The following SMC1A variants were observed in gnomAD, a reference collection of about 807,000 sequenced individuals.
The protein encoded by SMC1A is structural maintenance of chromosomes 1A.
A neutral mutation model predicts 94.5 loss-of-function variants in SMC1A; 4 were observed. The ratio of observed to expected loss-of-function variants is 0.04; its 90% CI spans 0.02 to 0.10. The LOEUF is 0.10. Ranked by LOEUF, SMC1A falls within the 10% of genes least tolerant of loss-of-function variation. The pLI, the probability that SMC1A is intolerant of heterozygous loss-of-function variation, is 1.00. For missense variants in SMC1A, 304 were observed against 989.0 expected, an observed-to-expected ratio of 0.31 and a Z score of 9.29; for synonymous variants, 345 against 347.7, an observed-to-expected ratio of 0.99 and a Z score of 0.09.
rs2075651961 is a variant in SMC1A, at chrX:53,396,540, C to T, written c.2640G>A (p.Lys880=). The T allele has an allele frequency of 1.7e-6, 2 of 1,208,854 alleles. No individual in the cohort carries two copies. Among genetic ancestry groups the T allele is most frequent in the Admixed American group, 4.4e-5 (2 of 45,591 alleles). The change falls in exon 17 of 25, where the codon AAG becomes AAA. Residue 880 remains lysine (K), a synonymous_variant. Coordinates refer to ENST00000322213, the MANE Select transcript of SMC1A (RefSeq NM_006306.4). ...LQDLKNQHLA[K]KSEVNDKNHE... is the part of the protein sequence containing the mutation. ...GATTCTTGTCATTCACTTCCGACTTCTTGGCCAGATGCTGATTCTTCAGGT... is the reference window on the plus strand; with the variant it reads ...GATTCTTGTCATTCACTTCCGACTTTTTGGCCAGATGCTGATTCTTCAGGT...
Position 53,399,575 on chromosome X carries a change from C to A in SMC1A, c.2562+14G>T. On this transcript the variant is annotated intron_variant, in intron 16 of 24. Coordinates refer to ENST00000322213, the MANE Select transcript of SMC1A (RefSeq NM_006306.4). ...CCAGTTATTAGTCTGTCTTTTAATTCTTTCCTTCCTTACCTTTTTGAGCTT... is the reference window on the plus strand; with the variant it reads ...CCAGTTATTAGTCTGTCTTTTAATTATTTCCTTCCTTACCTTTTTGAGCTT... 8.3e-7 allele frequency: 1 copy of A among 1,199,819 alleles called. No homozygotes were observed. The highest frequency in any genetic ancestry group is 1.1e-6 in the Non-Finnish European group (1 of 886,131).
At chrX:53,394,321 A>G (rs1556887666) in intron 19 of SMC1A, among the ~76,000 whole-genome samples, 2 of 110,053 alleles carry the variant, frequency 1.8e-5, no homozygotes, top group Admixed American at 2.0e-4. Flanking sequence ...ATGGGGAGGA[A>G]GGCTAGGGCT....
chrX:53,399,542 T>G (rs782113588), intron 16 of SMC1A, 47 bp downstream of exon 16: 9 of 1,145,396 alleles, frequency 7.9e-6, no homozygotes, highest in Middle Eastern at 2.8e-4. Flanking sequence ...TTCTTCCCAT[T>G]TTTCCTCCCA....
At chrX:53,385,377 T>C (rs1339435428) in intron 19 of SMC1A, among the ~76,000 whole-genome samples, 3 of 106,242 alleles carry the variant, frequency 2.8e-5, no homozygotes, top group Non-Finnish European at 5.8e-5. Flanking sequence ...TTCACGCCAT[T>C]CTCCTGCCTC....
In SMC1A at chrX:53,411,318, G is replaced by A. The variant is rs782040567; in HGVS notation, c.1254+443C>T. On this transcript the variant is annotated intron_variant, in intron 7 of 24. Transcript: ENST00000322213. ...ATCATTAAGATTATCATGGCCAGGC[G>A]CAGTGGCTCAAGCCTGTAATCCCAG... is the stretch of plus-strand genomic sequence containing the variant. Among the ~76,000 whole-genome samples the A allele has an allele frequency of 3.6e-5, 4 of 111,444 alleles. No individual in the cohort carries two copies. The East Asian group carries it at 1.1e-3, about 31-fold the overall frequency.
At position 53,378,387 on chromosome X, in the gene SMC1A, T is replaced by C. The variant is rs938950455; in HGVS notation, c.*1716A>G. The C allele has an allele frequency of 4.4e-5, 5 of 112,671 alleles. No individual in the cohort carries two copies. Among genetic ancestry groups the C allele is most frequent in the Admixed American group, 3.8e-4 (4 of 10,623 alleles). 9.3% of individuals were successfully genotyped at this position (112,671 alleles called of 1,213,427 possible). On this transcript the variant is annotated 3_prime_UTR_variant, in exon 25 of 25. Coordinates refer to ENST00000322213, the MANE Select transcript of SMC1A (RefSeq NM_006306.4). ...CAATCTATACAGCAATTACAGAAGA[T>C]GGATTGAGCTACATTAAGTAACATG...
upstream of SMC1A, chrX:53,422,712 A>G (rs1602419068): frequency 2.2e-5 from 12 of 544,760 alleles, no homozygotes; most frequent in East Asian, 4.1e-4. Context: ...AAATGTCGCG[A>G]GAATACGTCC....
rs1051598666 is a variant in SMC1A, at chrX:53,393,879, G to A, written c.2973+899C>T. Among the ~76,000 whole-genome samples the A allele has an allele frequency of 5.4e-5, 6 of 110,827 alleles. No individual in the cohort carries two copies. The South Asian group carries it at 1.1e-3, about 21-fold the overall frequency. On this transcript the variant is annotated intron_variant, in intron 19 of 24. Coordinates refer to ENST00000322213, the MANE Select transcript of SMC1A (RefSeq NM_006306.4). ...CAGAATTCAATAGATATTTAGGGCC[G>A]GGCACAGTGGCTCACACCTGTAATC...
chrX:53,408,332 AAATC>A (rs782118621), intron 9 of SMC1A, among the ~76,000 whole-genome samples: 13 of 111,286 alleles, frequency 1.2e-4, no homozygotes, highest in Middle Eastern at 4.6e-3. Flanking sequence ...CTCCATCTCA[AAATC>A]AATCAATCAA....
Position 53,409,403 on chromosome X carries a change from A to G in SMC1A, c.1337+18T>C. 1 of 1,184,716 alleles carries G rather than the reference A, an allele frequency of 8.4e-7. No individual in the cohort carries two copies. Among genetic ancestry groups the G allele is most frequent in the Non-Finnish European group, 1.1e-6 (1 of 870,754 alleles). On this transcript the variant is annotated intron_variant, in intron 8 of 24. Coordinates refer to ENST00000322213, the MANE Select transcript of SMC1A (RefSeq NM_006306.4). ...GAACAGGCCTGGAAGTAAGGGGGAC[A>G]GATGCAGAGCTACATACTTGCTAGT...
chrX:53,391,269 T>C (rs2075628519), intron 19 of SMC1A, among the ~76,000 whole-genome samples: 1 of 109,974 alleles, frequency 9.1e-6, no homozygotes. Flanking sequence ...TGAGCTGAGA[T>C]CATGCCCCTG....
chrX:53,418,039 T>C (rs908271406), intron 1 of SMC1A, among the ~76,000 whole-genome samples: 1 of 112,767 alleles, frequency 8.9e-6, no homozygotes, highest in Non-Finnish European at 1.9e-5. Context: ...TTGTATACCA[T>C]GTACATGTAC....
chrX:53,419,838 GA>G (rs1328119541), intron 1 of SMC1A, among the ~76,000 whole-genome samples: 3 of 104,479 alleles, frequency 2.9e-5, no homozygotes, highest in Non-Finnish European at 5.9e-5. Context: ...AAAAAAAAAA[GA>G]AAAAAAAGAA....
At chrX:53,383,320 A>C in intron 19 of SMC1A, 67 bp from the exon 20 acceptor site, 2 of 1,078,684 alleles carry the variant, frequency 1.9e-6, no homozygotes, top group Non-Finnish European at 2.5e-6. Context: ...CCACCGAAAG[A>C]TGACTGACTG....
At chrX:53,410,926 C>CAGAAAAAAAAAAAAAAAAA in intron 7 of SMC1A, among the ~76,000 whole-genome samples, 1 of 28,814 alleles carries the variant, frequency 3.5e-5, no homozygotes, top group East Asian at 1.4e-3. Flanking sequence ...GGCTTTGTCT[C>CAGAAAAAAAAAAAAAAAAA]AAAAAAAAAA....
At chrX:53,382,433 T>C (rs1569351815) in intron 21 of SMC1A, 50 bp from the exon 22 acceptor site, 2 of 1,196,652 alleles carry the variant, frequency 1.7e-6, no homozygotes, top group Non-Finnish European at 1.1e-6. Context: ...TGGATGGAGA[T>C]AGGGACAGGA....
intron 15 of SMC1A, among the ~76,000 whole-genome samples, chrX:53,400,224 A>T (rs1339218289): frequency 4.5e-5 from 5 of 111,851 alleles, no homozygotes; most frequent in African/African-American, 6.5e-5. Flanking sequence ...ACAGCTAGTA[A>T]ATGGCACATG....
chrX:53,410,499 A>T (rs868916390), intron 7 of SMC1A, among the ~76,000 whole-genome samples: 1 of 109,961 alleles, frequency 9.1e-6, no homozygotes. Context: ...TGGCTGAGAC[A>T]CAAGAATCAC....
intron 19 of SMC1A, among the ~76,000 whole-genome samples, chrX:53,390,973 C>CAAAAAAAAAAAAAAAAAAAAA (rs782771730): frequency 2.2e-3 from 74 of 34,314 alleles, no homozygotes; most frequent in African/African-American, 2.5e-3. Context: ...GACTCCGTCT[C>CAAAAAAAAAAAAAAAAAAAAA]AAAAAAAAAA....
Sources: allele counts gnomAD v4.1 joint callset (sites outside exome capture counted in the v4.1 genomes callset), GRCh38; gene constraint gnomAD v4.1.1; transcripts MANE v1.5; gene names NCBI Gene and HGNC (gene_info 2026-07-23, HGNC 2026-07-21).